Variants in HOXD3 observed in about 807,000 individuals in gnomAD.
The protein encoded by HOXD3 is homeobox protein Hox-D3.
HOXD3 carries 13 observed loss-of-function variants against 32.8 expected under a neutral mutation model. That is an observed-to-expected ratio of 0.40 (90% confidence interval 0.26 to 0.63). The LOEUF (loss-of-function observed/expected upper bound fraction) is 0.63, where lower values mean the gene tolerates loss of function less well. HOXD3 is among the 20% of genes least tolerant of loss of function. The pLI is 0.44. For missense variants in HOXD3, 504 were observed against 577.1 expected, an observed-to-expected ratio of 0.87 and a Z score of 1.30; for synonymous variants, 241 against 246.8, an observed-to-expected ratio of 0.98 and a Z score of 0.22.
chr2:176,165,999 T>C (rs560261290), intron 2 of HOXD3, among the ~76,000 whole-genome samples: 1 of 151,374 alleles, frequency 6.6e-6, no homozygotes, highest in Admixed American at 6.6e-5. Context: ...TCAGGTTTTG[T>C]TTTAAGAGGG....
Position 176,169,210 on chromosome 2 carries a change from T to C in HOXD3, c.96T>C (p.Tyr32=), listed in dbSNP as rs1450923005. The C allele has an allele frequency of 1.2e-6, 2 of 1,614,144 alleles. No individual in the cohort carries two copies. The highest frequency in any genetic ancestry group is 1.7e-5 in the Admixed American group (1 of 60,020). Residue 32 remains tyrosine (Y), a synonymous_variant, in exon 3 of 4, where the codon TAT becomes TAC. Coordinates refer to ENST00000683222, the MANE Select transcript of HOXD3 (RefSeq NM_006898.5). ...YYENPGLFGG[Y]GYSKTTDTYG... is the part of the protein sequence containing the mutation. ...AAAACCCAGGACTGTTTGGAGGCTA[T>C]GGCTACAGCAAAACTACGGACACTT...
intron 1 of HOXD3, among the ~76,000 whole-genome samples, chr2:176,163,173 GC>G (rs1395449909): frequency 6.6e-6 from 1 of 152,348 alleles, no homozygotes; most frequent in East Asian, 1.9e-4. Context: ...TGCGGTGCGA[GC>G]CAAAGGTCAC....
intron 1 of HOXD3, among the ~76,000 whole-genome samples, chr2:176,161,793 G>C (rs368123667): frequency 6.6e-6 from 1 of 152,198 alleles, no homozygotes; most frequent in Non-Finnish European, 1.5e-5. Context: ...GCAGAGAAAA[G>C]GTTTAGTGTT....
At chr2:176,171,471 C>T in intron 3 of HOXD3, 46 bp from the exon 4 acceptor site, 7 of 1,524,152 alleles carry the variant, frequency 4.6e-6, no homozygotes, top group Non-Finnish European at 6.2e-6. Context: ...TCCTGAGGGT[C>T]CCCACCCACT....
chr2:176,156,572 C>T (rs1690648558), upstream of HOXD3, among the ~76,000 whole-genome samples: 1 of 152,082 alleles, frequency 6.6e-6, no homozygotes. Context: ...ACCTGACCCC[C>T]GGGCCTCCAC....
chr2:176,153,662 C>G (rs1268984347), upstream of HOXD3, among the ~76,000 whole-genome samples: 1 of 152,154 alleles, frequency 6.6e-6, no homozygotes, highest in Non-Finnish European at 1.5e-5. Flanking sequence ...GATATGTGCA[C>G]TTACTTCTGA....
chr2:176,161,117 A>T (rs1297544782), intron 1 of HOXD3: 1 of 152,252 alleles, frequency 6.6e-6, no homozygotes, highest in East Asian at 1.9e-4. Flanking sequence ...ATCTTTGGGC[A>T]CGGGGCTGCT....
At chr2:176,168,789 G>A (rs766830992) in intron 2 of HOXD3, among the ~76,000 whole-genome samples, 10 of 151,432 alleles carry the variant, frequency 6.6e-5, no homozygotes, top group Non-Finnish European at 1.3e-4. Context: ...TGGGAGGATC[G>A]CTTGAGCCCA....
At chr2:176,161,801 G>A (rs1480724202) in intron 1 of HOXD3, among the ~76,000 whole-genome samples, 1 of 152,230 alleles carries the variant, frequency 6.6e-6, no homozygotes, top group Non-Finnish European at 1.5e-5. Context: ...AAGGTTTAGT[G>A]TTTCTAGGTC....
chr2:176,153,105 G>GC, upstream of HOXD3: 2 of 389,354 alleles, frequency 5.1e-6, no homozygotes, highest in South Asian at 4.0e-5. Flanking sequence ...CCCGAGGGCA[G>GC]CCCCCTCCCT....
intron 1 of HOXD3, among the ~76,000 whole-genome samples, chr2:176,157,908 C>A (rs1406004469): frequency 6.6e-6 from 1 of 152,260 alleles, no homozygotes; most frequent in Non-Finnish European, 1.5e-5. Flanking sequence ...GTCGCTGTCA[C>A]GGCATCTGCC....
At chr2:176,170,555 C>A (rs1691136489) in intron 3 of HOXD3, among the ~76,000 whole-genome samples, 1 of 152,212 alleles carries the variant, frequency 6.6e-6, no homozygotes, top group Non-Finnish European at 1.5e-5. Flanking sequence ...TGTGGTTTAT[C>A]TTCAGGTAGA....
upstream of HOXD3, among the ~76,000 whole-genome samples, chr2:176,155,587 C>T (rs1157203600): frequency 6.6e-6 from 1 of 152,208 alleles, no homozygotes; most frequent in Non-Finnish European, 1.5e-5. Flanking sequence ...ACCCCAGCAT[C>T]CATTTGGGCC....
chr2:176,167,103 T>G (rs2105446365), intron 2 of HOXD3, among the ~76,000 whole-genome samples: 1 of 152,292 alleles, frequency 6.6e-6, no homozygotes, highest in South Asian at 2.1e-4. Flanking sequence ...CTTTAACTCT[T>G]TAGGAGCCTT....
intron 3 of HOXD3, among the ~76,000 whole-genome samples, chr2:176,170,407 G>A (rs1318839690): frequency 6.6e-6 from 1 of 152,136 alleles, no homozygotes; most frequent in Non-Finnish European, 1.5e-5. Flanking sequence ...ACTGGAAGGG[G>A]AGCCCCTCCA....
chr2:176,165,270 A>C (rs990331127), intron 2 of HOXD3: 5 of 152,204 alleles, frequency 3.3e-5, no homozygotes, highest in African/African-American at 9.7e-5. Flanking sequence ...GCACCGTGAG[A>C]GCTCCAGCTG....
At chr2:176,160,062 G>A (rs1047255981) in intron 1 of HOXD3, among the ~76,000 whole-genome samples, 1 of 152,250 alleles carries the variant, frequency 6.6e-6, no homozygotes, top group Admixed American at 6.5e-5. Flanking sequence ...CCACGGAATG[G>A]TGGTGGTGGC....
chr2:176,153,093 T>G, upstream of HOXD3: 5 of 413,270 alleles, frequency 1.2e-5, no homozygotes, highest in East Asian at 7.1e-5. Flanking sequence ...GTTAGCATCC[T>G]GCCCGAGGGC....
chr2:176,158,079 C>G lies in HOXD3; in HGVS notation c.-181+627C>G, dbSNP rs138168797. Among the ~76,000 whole-genome samples the G allele has an allele frequency of 4.3e-3, 648 of 152,352 alleles. 3 individuals are homozygous for G. Among genetic ancestry groups the G allele is most frequent in the African/African-American group, 0.015 (620 of 41,582 alleles). ...ATGATTTCCGAGTTGCCTCTCCCCCCGCTCCTCTCTCCCCACCCAAGTTCT... is the reference window on the plus strand; with the variant it reads ...ATGATTTCCGAGTTGCCTCTCCCCCGGCTCCTCTCTCCCCACCCAAGTTCT... On this transcript the variant is annotated intron_variant, in intron 1 of 3. Transcript: ENST00000683222.
Sources: allele counts gnomAD v4.1 joint callset (sites outside exome capture counted in the v4.1 genomes callset), GRCh38; gene constraint gnomAD v4.1.1; transcripts MANE v1.5; gene names NCBI Gene and HGNC (gene_info 2026-07-23, HGNC 2026-07-21).